MARCHF1: variants seen among roughly 807,000 people sequenced by gnomAD.
The protein encoded by MARCHF1 is membrane associated ring-CH-type finger 1.
MARCHF1 carries 40 observed loss-of-function variants against 54.2 expected under a neutral mutation model. That is an observed-to-expected ratio of 0.74 (90% confidence interval 0.57 to 0.96). The LOEUF (loss-of-function observed/expected upper bound fraction) is 0.96, where lower values mean the gene tolerates loss of function less well. Among genes scored for constraint, MARCHF1 ranks in the 40% least tolerant of loss-of-function variants. The pLI is 0.00. For missense variants in MARCHF1, 586 were observed against 656.5 expected, an observed-to-expected ratio of 0.89 and a Z score of 1.17; for synonymous variants, 236 against 236.3, an observed-to-expected ratio of 1.00 and a Z score of 0.01.
intron 8 of MARCHF1, among the ~76,000 whole-genome samples, chr4:163,567,421 G>T (rs563189842): frequency 1.6e-4 from 24 of 152,068 alleles, no homozygotes; most frequent in Non-Finnish European, 3.1e-4. Flanking sequence ...GCAGAATTTC[G>T]TGCCCCACCT....
At chr4:164,259,832 G>A (rs1296073923) in intron 1 of MARCHF1, among the ~76,000 whole-genome samples, 1 of 152,144 alleles carries the variant, frequency 6.6e-6, no homozygotes, top group African/African-American at 2.4e-5. Flanking sequence ...TTGGGGATAA[G>A]CTAAACCATT....
chr4:163,631,101 A>G (rs761666420), intron 5 of MARCHF1, among the ~76,000 whole-genome samples: 23 of 152,210 alleles, frequency 1.5e-4, no homozygotes, highest in Non-Finnish European at 2.6e-4. Context: ...TGGTTTTCAA[A>G]GCTGGACTTT....
intron 1 of MARCHF1, among the ~76,000 whole-genome samples, chr4:164,152,887 C>G (rs572418020): frequency 5.0e-4 from 76 of 152,150 alleles, no homozygotes; most frequent in African/African-American, 1.6e-3. Context: ...GTCCACCCCC[C>G]ACCCACCCCA....
chr4:164,146,918 T>C lies in MARCHF1; in HGVS notation c.-322-35256A>G, dbSNP rs1729763616. Among the ~76,000 whole-genome samples, 4 of 149,232 alleles carry C rather than the reference T, an allele frequency of 2.7e-5. No individual in the cohort carries two copies. In the South Asian group the frequency reaches 8.5e-4, roughly 32 times the overall value. ...AAAATGGGAGAAAATTTTTGCAACC[T>C]ACTCCTCTGACAAAGGGCTAATATC... On this transcript the variant is annotated intron_variant, in intron 1 of 9. Coordinates refer to ENST00000514618, the MANE Select transcript of MARCHF1 (RefSeq NM_001394959.1).
chr4:163,915,262 TATG>T (rs1406375431), intron 3 of MARCHF1, among the ~76,000 whole-genome samples: 12 of 152,252 alleles, frequency 7.9e-5, no homozygotes, highest in African/African-American at 1.4e-4. Context: ...TCTCTCTTAA[TATG>T]ATATGATAAA....
chr4:163,832,169 A>C (rs1201523333), intron 4 of MARCHF1, among the ~76,000 whole-genome samples: 1 of 152,240 alleles, frequency 6.6e-6, no homozygotes, highest in African/African-American at 2.4e-5. Context: ...ACATGACAAA[A>C]GGAGATGTCG....
intron 1 of MARCHF1, among the ~76,000 whole-genome samples, chr4:164,380,208 C>T (rs1356242563): frequency 6.6e-6 from 1 of 152,062 alleles, no homozygotes; most frequent in Non-Finnish European, 1.5e-5. Context: ...ACTTTTGCAC[C>T]AACCTAATAA....
intron 1 of MARCHF1, among the ~76,000 whole-genome samples, chr4:164,196,424 G>A (rs1245746702): frequency 6.9e-6 from 1 of 144,514 alleles, no homozygotes; most frequent in African/African-American, 2.5e-5. Context: ...AGTATAAAGT[G>A]CATTATTATT....
At chr4:163,935,864 C>T (rs1181495245) in intron 3 of MARCHF1, among the ~76,000 whole-genome samples, 1 of 152,140 alleles carries the variant, frequency 6.6e-6, no homozygotes, top group Non-Finnish European at 1.5e-5. Flanking sequence ...AAGAACTTTA[C>T]ATTTGCATTC....
chr4:164,224,855 A>G (rs1579637746), intron 1 of MARCHF1, among the ~76,000 whole-genome samples: 1 of 152,110 alleles, frequency 6.6e-6, no homozygotes. Context: ...AAAAGGAGAA[A>G]GAGAAACACG....
chr4:163,619,559 G>A (rs1741613675), intron 5 of MARCHF1, among the ~76,000 whole-genome samples: 1 of 151,962 alleles, frequency 6.6e-6, no homozygotes, highest in African/African-American at 2.4e-5. Context: ...GTGGCACAGG[G>A]AAAGACACAT....
chr4:164,253,669 A>T (rs529223718), intron 1 of MARCHF1, among the ~76,000 whole-genome samples: 1 of 152,264 alleles, frequency 6.6e-6, no homozygotes, highest in South Asian at 2.1e-4. Flanking sequence ...TTAAGCATAT[A>T]CGTGGACATT....
intron 1 of MARCHF1, among the ~76,000 whole-genome samples, chr4:164,370,361 G>A (rs1405584807): frequency 1.3e-5 from 2 of 152,164 alleles, no homozygotes; most frequent in Non-Finnish European, 2.9e-5. Flanking sequence ...AATAGAACTG[G>A]AACCTTGAAA....
intron 4 of MARCHF1, among the ~76,000 whole-genome samples, chr4:163,740,779 C>T (rs528127214): frequency 2.2e-4 from 33 of 152,162 alleles, no homozygotes; most frequent in Admixed American, 5.9e-4. Context: ...TAAGGTAATG[C>T]GTTTGAGTTG....
intron 2 of MARCHF1, among the ~76,000 whole-genome samples, chr4:164,060,735 C>T (rs1052296070): frequency 6.6e-6 from 1 of 152,120 alleles, no homozygotes; most frequent in African/African-American, 2.4e-5. Flanking sequence ...CATATTTTCA[C>T]TCAATATAAA....
At position 163,749,292 on chromosome 4, in the gene MARCHF1, C is replaced by CT. The variant is rs11353218; in HGVS notation, c.112-48430dup. On this transcript the variant is annotated intron_variant, in intron 4 of 9. Coordinates refer to ENST00000514618, the MANE Select transcript of MARCHF1 (RefSeq NM_001394959.1). ...AATTCACTTACTGTTTCTAGTATTG[C>CT]TTTTTTTTTCTGTTTTTTGTTTTTG... Among the ~76,000 whole-genome samples, 61 of 150,720 alleles carry CT rather than the reference C, an allele frequency of 4.0e-4. 1 individual carries two copies. The highest frequency in any genetic ancestry group is 7.1e-4 in the Non-Finnish European group (48 of 67,706).
At chr4:164,058,142 G>A (rs1260828867) in intron 2 of MARCHF1, among the ~76,000 whole-genome samples, 4 of 151,980 alleles carry the variant, frequency 2.6e-5, no homozygotes, top group Non-Finnish European at 4.4e-5. Context: ...GCTAGGGGAG[G>A]GATAACATTA....
chr4:163,699,468 G>T (rs1041762070), intron 5 of MARCHF1, among the ~76,000 whole-genome samples: 10 of 151,518 alleles, frequency 6.6e-5, no homozygotes, highest in African/African-American at 2.4e-4. Context: ...ATAAGATAAT[G>T]TTGATACTGT....
chr4:164,289,083 A>T (rs1046442291), intron 1 of MARCHF1, among the ~76,000 whole-genome samples: 9 of 152,014 alleles, frequency 5.9e-5, no homozygotes, highest in African/African-American at 1.7e-4. Flanking sequence ...TTTTCCCTCA[A>T]CAAATTAGTA....
Sources: allele counts gnomAD v4.1 joint callset (sites outside exome capture counted in the v4.1 genomes callset), GRCh38; gene constraint gnomAD v4.1.1; transcripts MANE v1.5; gene names NCBI Gene and HGNC (gene_info 2026-07-23, HGNC 2026-07-21).